The following UBE2H variants were observed in gnomAD, a reference collection of about 807,000 sequenced individuals.
UBE2H encodes ubiquitin-conjugating enzyme E2 H.
A neutral mutation model predicts 29.0 loss-of-function variants in UBE2H; 3 were observed. The ratio of observed to expected loss-of-function variants is 0.10; its 90% confidence interval spans 0.05 to 0.27. UBE2H has a LOEUF of 0.27. Ranked by LOEUF, UBE2H falls within the 10% of genes least tolerant of loss-of-function variation. The pLI, the probability that UBE2H is intolerant of heterozygous loss-of-function variation, is 1.00. For synonymous variants in UBE2H, 69 were observed against 82.9 expected (o/e 0.83, Z 0.91); for missense variants, 68 against 228.2 (o/e 0.30, Z 4.52).
At chr7:129,854,060 G>GGTTTTTTTTTTTTTTTTATTTTTT (rs1554430936) in intron 5 of UBE2H, among the ~76,000 whole-genome samples, 1 of 100,312 alleles carries the variant, frequency 1.0e-5, no homozygotes, top group Non-Finnish European at 2.0e-5. Flanking sequence ...TTTAGTGTTA[G>GGTTTTTTTTTTTTTTTTATTTTTT]TTTTTTTTTT....
intron 6 of UBE2H, among the ~76,000 whole-genome samples, chr7:129,838,176 GATCTA>G (rs1370816199): frequency 6.6e-6 from 1 of 152,174 alleles, no homozygotes; most frequent in Non-Finnish European, 1.5e-5. Flanking sequence ...AAGCACTTGA[GATCTA>G]ATTAATTATA....
intron 1 of UBE2H, among the ~76,000 whole-genome samples, chr7:129,930,001 A>G (rs1352836230): frequency 6.6e-6 from 1 of 152,186 alleles, no homozygotes; most frequent in African/African-American, 2.4e-5. Context: ...CAAAGACTCC[A>G]TCTCAAAAAA....
chr7:129,857,702 G>A, intron 4 of UBE2H, 139 bp from the exon 5 acceptor site: 1 of 890,244 alleles, frequency 1.1e-6, no homozygotes, highest in Non-Finnish European at 1.7e-6. Flanking sequence ...GGAAAAGTAT[G>A]ATGAGGAACA....
chr7:129,855,047 C>T (rs1447625123), intron 5 of UBE2H, among the ~76,000 whole-genome samples: 3 of 152,160 alleles, frequency 2.0e-5, no homozygotes, highest in African/African-American at 7.2e-5. Flanking sequence ...AAAGGGTACA[C>T]ATTTATTTTT....
chr7:129,895,830 C>T (rs1195150628), intron 1 of UBE2H, among the ~76,000 whole-genome samples: 2 of 151,880 alleles, frequency 1.3e-5, no homozygotes, highest in Non-Finnish European at 2.9e-5. Flanking sequence ...GAGTTGAGAT[C>T]GCGCCACTGC....
rs1013330636 is a variant in UBE2H at position 129,952,821 on chromosome 7, C to T, written c.-266G>A. 3 of 280,446 alleles carry T rather than the reference C, an allele frequency of 1.1e-5. No homozygotes were observed. Among genetic ancestry groups the T allele is most frequent in the Non-Finnish European group, 1.3e-5 (2 of 152,148 alleles). The allele number at this position is 280,446 out of a possible 1,614,324, so 17.4% of individuals were successfully genotyped here. On this transcript the variant is annotated 5_prime_UTR_variant, in exon 1 of 7. Coordinates refer to ENST00000355621, the MANE Select transcript of UBE2H (RefSeq NM_003344.4). ...CCGCCGCGGCCCTGCCCCGGCGCTC[C>T]TCTGCGCCGCGCGACGCTCCCTCCT... is the stretch of plus-strand genomic sequence containing the variant.
At chr7:129,837,863 G>A (rs1048228508) in intron 6 of UBE2H, among the ~76,000 whole-genome samples, 8 of 152,180 alleles carry the variant, frequency 5.3e-5, no homozygotes, top group African/African-American at 4.8e-5. Context: ...GGGTCCGTAC[G>A]CTGGAGTGAG....
chr7:129,900,509 G>C (rs918522311), intron 1 of UBE2H, among the ~76,000 whole-genome samples: 4 of 152,090 alleles, frequency 2.6e-5, no homozygotes, highest in Non-Finnish European at 5.9e-5. Flanking sequence ...TCTCACATTG[G>C]AGTATCAGGA....
rs187682047 is a variant in UBE2H at position 129,919,034 on chromosome 7, T to C, written c.53+33469A>G. On this transcript the variant is annotated intron_variant, in intron 1 of 6. Coordinates refer to ENST00000355621, the MANE Select transcript of UBE2H (RefSeq NM_003344.4). ...GAGAGGTCGAGGCTGCAGTGAGCTA[T>C]GATTGTGTCACTGCACTCAAGCCTG... 1.1e-3 allele frequency among the ~76,000 whole-genome samples: 166 copies of C among 148,032 alleles called. 2 individuals are homozygous for C. The highest frequency in any genetic ancestry group is 4.0e-3 in the African/African-American group (159 of 40,088).
intron 1 of UBE2H, among the ~76,000 whole-genome samples, chr7:129,933,841 G>A (rs1463120095): frequency 6.6e-6 from 1 of 152,118 alleles, no homozygotes. Flanking sequence ...AAAGCTATAA[G>A]GGACAAAAGC....
At chr7:129,937,780 A>G (rs1807561245) in intron 1 of UBE2H, among the ~76,000 whole-genome samples, 1 of 152,240 alleles carries the variant, frequency 6.6e-6, no homozygotes, top group Admixed American at 6.5e-5. Flanking sequence ...ATAGATAAAA[A>G]TGAATAGAGT....
intron 1 of UBE2H, among the ~76,000 whole-genome samples, chr7:129,893,710 C>T (rs919351133): frequency 4.6e-5 from 7 of 152,200 alleles, no homozygotes; most frequent in Non-Finnish European, 1.0e-4. Flanking sequence ...AATAAACAAA[C>T]TTGACTGCTT....
chr7:129,840,302 T>C (rs2116269053), intron 5 of UBE2H, among the ~76,000 whole-genome samples: 1 of 152,156 alleles, frequency 6.6e-6, no homozygotes, highest in South Asian at 2.1e-4. Flanking sequence ...CCTCCCAGCC[T>C]CAGTCTTCCA....
At chr7:129,915,513 G>A (rs766174450) in intron 1 of UBE2H, among the ~76,000 whole-genome samples, 2 of 152,112 alleles carry the variant, frequency 1.3e-5, no homozygotes, top group Admixed American at 6.5e-5. Context: ...CAGCCTGGGT[G>A]ACAGAGCGAG....
intron 1 of UBE2H, among the ~76,000 whole-genome samples, chr7:129,935,859 T>C (rs1221610058): frequency 1.3e-5 from 2 of 152,222 alleles, no homozygotes; most frequent in African/African-American, 4.8e-5. Flanking sequence ...TACCAGAGTT[T>C]ACTCTCCTAA....
At chr7:129,930,325 C>A (rs964651446) in intron 1 of UBE2H, among the ~76,000 whole-genome samples, 9 of 152,112 alleles carry the variant, frequency 5.9e-5, no homozygotes, top group Non-Finnish European at 1.3e-4. Context: ...CCATGACCAG[C>A]TAATTTTGTA....
chr7:129,940,590 C>T (rs62491541), intron 1 of UBE2H, among the ~76,000 whole-genome samples: 9,908 of 152,250 alleles, frequency 0.065, 538 homozygotes, highest in East Asian at 0.25. Flanking sequence ...TTCACACTGC[C>T]TACATAACGT....
intron 1 of UBE2H, among the ~76,000 whole-genome samples, chr7:129,922,618 C>T (rs1261990285): frequency 1.3e-5 from 2 of 152,198 alleles, no homozygotes; most frequent in African/African-American, 4.8e-5. Flanking sequence ...AAAGTATTTA[C>T]ACTGAAGTCT....
chr7:129,865,134 A>G (rs1214467554), intron 3 of UBE2H: 9 of 377,910 alleles, frequency 2.4e-5, no homozygotes, highest in Non-Finnish European at 4.7e-5. Flanking sequence ...TAAAAAGTAC[A>G]GATTACAACA....
Sources: allele counts gnomAD v4.1 joint callset (sites outside exome capture counted in the v4.1 genomes callset), GRCh38; gene constraint gnomAD v4.1.1; transcripts MANE v1.5; gene names NCBI Gene and HGNC (gene_info 2026-07-23, HGNC 2026-07-21).